DPYD: variants seen among roughly 807,000 people sequenced by gnomAD.
The protein encoded by DPYD is dihydropyrimidine dehydrogenase [NADP(+)].
A neutral mutation model predicts 116.2 loss-of-function variants in DPYD; 109 were observed. The ratio of observed to expected loss-of-function variants is 0.94; its 90% CI spans 0.80 to 1.10. The LOEUF (loss-of-function observed/expected upper bound fraction) is 1.10, where lower values mean the gene tolerates loss of function less well. Ranked by LOEUF, DPYD falls within the 50% of genes least tolerant of loss-of-function variation. The pLI is 0.00. For missense variants in DPYD, 1,302 were observed against 1,254.5 expected, an observed-to-expected ratio of 1.04 and a Z score of -0.57; for synonymous variants, 440 against 432.0, an observed-to-expected ratio of 1.02 and a Z score of -0.23.
At chr1:97,871,945 C>A in intron 2 of DPYD, among the ~76,000 whole-genome samples, 1 of 151,912 alleles carries the variant, frequency 6.6e-6, no homozygotes, top group Middle Eastern at 3.4e-3. Flanking sequence ...TTTAAGAATA[C>A]TATGCACATT....
intron 3 of DPYD, among the ~76,000 whole-genome samples, chr1:97,753,676 G>A (rs970135562): frequency 6.6e-6 from 1 of 151,970 alleles, no homozygotes; most frequent in Non-Finnish European, 1.5e-5. Flanking sequence ...TGCAGATCAT[G>A]TAATTATTTA....
At chr1:97,720,812 C>G in intron 5 of DPYD, 1 of 1,574,784 alleles carries the variant, frequency 6.4e-7, no homozygotes, top group Non-Finnish European at 8.6e-7. Context: ...TTAAATGATA[C>G]ATGGGAATTA....
chr1:97,848,355 C>G (rs1670410184), intron 2 of DPYD, among the ~76,000 whole-genome samples: 1 of 152,194 alleles, frequency 6.6e-6, no homozygotes, highest in South Asian at 2.1e-4. Flanking sequence ...CCTCGGCTTC[C>G]AAAAGTGCTG....
intron 2 of DPYD, among the ~76,000 whole-genome samples, chr1:97,865,868 A>C (rs1671350860): frequency 6.6e-6 from 1 of 151,974 alleles, no homozygotes; most frequent in African/African-American, 2.4e-5. Context: ...ATATATTTGA[A>C]ATTAATATAT....
chr1:97,855,191 G>A (rs1283259463), intron 2 of DPYD: 1 of 152,302 alleles, frequency 6.6e-6, no homozygotes, highest in Non-Finnish European at 1.5e-5. Flanking sequence ...CATAGTGGTA[G>A]GCAGGCTTCT....
At chr1:97,249,742 C>G (rs552897756) in intron 18 of DPYD, among the ~76,000 whole-genome samples, 3 of 152,118 alleles carry the variant, frequency 2.0e-5, no homozygotes, top group African/African-American at 7.2e-5. Context: ...TAGAAACCAA[C>G]AGTTAAAAGA....
intron 11 of DPYD, among the ~76,000 whole-genome samples, chr1:97,556,533 G>C (rs1386335329): frequency 8.4e-6 from 1 of 119,188 alleles, no homozygotes; most frequent in Non-Finnish European, 1.7e-5. Flanking sequence ...AGTCCCCAGA[G>C]TGTGATATTC....
chr1:97,273,304 C>T (rs628959), intron 18 of DPYD, among the ~76,000 whole-genome samples: 113,720 of 152,054 alleles, frequency 0.75, 43,314 homozygotes, highest in African/African-American at 0.89. Flanking sequence ...AAGGGTGAAA[C>T]GCAATATTTT....
chr1:97,426,709 G>A (rs1270294526), intron 14 of DPYD, among the ~76,000 whole-genome samples: 1 of 151,938 alleles, frequency 6.6e-6, no homozygotes, highest in Non-Finnish European at 1.5e-5. Context: ...TCTTTTTCAG[G>A]GTTAATAGAT....
intron 8 of DPYD, among the ~76,000 whole-genome samples, chr1:97,667,599 C>A (rs972604896): frequency 1.3e-5 from 2 of 152,038 alleles, no homozygotes; most frequent in African/African-American, 2.4e-5. Context: ...GAAACTGGAA[C>A]TTTTTTTCAC....
chr1:97,256,248 T>C (rs557685949), intron 18 of DPYD, among the ~76,000 whole-genome samples: 3 of 152,160 alleles, frequency 2.0e-5, no homozygotes, highest in Non-Finnish European at 4.4e-5. Flanking sequence ...CTTTATATTC[T>C]GAAACAATGC....
chr1:97,437,856 AG>A (rs983824827), intron 14 of DPYD, among the ~76,000 whole-genome samples: 1 of 151,962 alleles, frequency 6.6e-6, no homozygotes, highest in African/African-American at 2.4e-5. Flanking sequence ...TTATAGTTTT[AG>A]GTTTCTCATT....
At chr1:97,523,098 TTTGA>T (rs1423020940) in intron 12 of DPYD, among the ~76,000 whole-genome samples, 1 of 152,134 alleles carries the variant, frequency 6.6e-6, no homozygotes, top group Non-Finnish European at 1.5e-5. Context: ...CCATGACCTC[TTTGA>T]TTGTTCAAAA....
At chr1:97,578,185 T>C (rs908987246) in intron 10 of DPYD, among the ~76,000 whole-genome samples, 1 of 152,054 alleles carries the variant, frequency 6.6e-6, no homozygotes, top group Non-Finnish European at 1.5e-5. Flanking sequence ...ATAATGGTAA[T>C]AAGTATTTAT....
At chr1:97,654,513 T>C (rs562128819) in intron 8 of DPYD, among the ~76,000 whole-genome samples, 23 of 152,120 alleles carry the variant, frequency 1.5e-4, no homozygotes, top group Non-Finnish European at 3.1e-4. Context: ...AAGTAATATA[T>C]ATTTCCATAT....
At chr1:97,151,728 G>T (rs1655041059) in intron 20 of DPYD, among the ~76,000 whole-genome samples, 1 of 151,554 alleles carries the variant, frequency 6.6e-6, no homozygotes, top group African/African-American at 2.4e-5. Context: ...GAAAAGAAGA[G>T]AAAAAGAAAG....
intron 3 of DPYD, among the ~76,000 whole-genome samples, chr1:97,809,946 T>G (rs144668569): frequency 6.6e-6 from 1 of 152,072 alleles, no homozygotes; most frequent in East Asian, 1.9e-4. Flanking sequence ...GGCAATATGA[T>G]ATAATGGGAA....
At chr1:97,171,242 G>T (rs1656704188) in intron 20 of DPYD, among the ~76,000 whole-genome samples, 1 of 152,120 alleles carries the variant, frequency 6.6e-6, no homozygotes, top group Non-Finnish European at 1.5e-5. Flanking sequence ...AATGATGAAA[G>T]GTTGAGGAAA....
At chr1:97,758,597 A>C (rs1665394686) in intron 3 of DPYD, among the ~76,000 whole-genome samples, 1 of 152,256 alleles carries the variant, frequency 6.6e-6, no homozygotes, top group South Asian at 2.1e-4. Flanking sequence ...TCTGGTCCAA[A>C]ATATTTGGCT....
Sources: allele counts gnomAD v4.1 joint callset (sites outside exome capture counted in the v4.1 genomes callset), GRCh38; gene constraint gnomAD v4.1.1; transcripts MANE v1.5; gene names NCBI Gene and HGNC (gene_info 2026-07-23, HGNC 2026-07-21).